The following VLDLR variants were observed in gnomAD, a reference collection of about 807,000 sequenced individuals.
VLDLR encodes very low density lipoprotein receptor, also known as very low-density lipoprotein receptor.
Under a neutral mutation model 112.7 loss-of-function variants are expected in VLDLR, and 81 were observed. That is an observed-to-expected ratio of 0.72 (90% CI 0.60 to 0.86). The LOEUF (loss-of-function observed/expected upper bound fraction) is 0.86. Among genes scored for constraint, VLDLR ranks in the 40% least tolerant of loss-of-function variants. The pLI is 0.00. For synonymous variants in VLDLR, 436 were observed against 384.8 expected (o/e 1.13, Z -1.56); for missense variants, 1,237 against 1,099.4 (o/e 1.13, Z -1.77).
chr9:2,652,061 C>T, intron 17 of VLDLR, 107 bp downstream of exon 17: 1 of 986,780 alleles, frequency 1.0e-6, no homozygotes, highest in Non-Finnish European at 1.6e-6. Flanking sequence ...TGCTGTCTAG[C>T]ATTTATGACA....
chr9:2,645,434 G>A, intron 9 of VLDLR, 140 bp from the exon 10 acceptor site: 2 of 1,081,128 alleles, frequency 1.8e-6, no homozygotes, highest in South Asian at 1.3e-5. Context: ...GGTCCCAGGG[G>A]CAGGAACTCC....
At chr9:2,630,609 G>T (rs549486429) in intron 1 of VLDLR, among the ~76,000 whole-genome samples, 32 of 152,284 alleles carry the variant, frequency 2.1e-4, no homozygotes, top group Admixed American at 9.8e-4. Flanking sequence ...TTTGTAGTCC[G>T]TTTGGAAGGC....
intron 16 of VLDLR, 151 bp downstream of exon 16, chr9:2,651,649 CT>C: frequency 1.1e-6 from 1 of 890,946 alleles, no homozygotes; most frequent in Non-Finnish European, 1.7e-6. Flanking sequence ...ACTTGCATAT[CT>C]TTTCCTGACT....
In VLDLR at chr9:2,643,231, A is replaced by G; in HGVS notation, c.520A>G (p.Asn174Asp). The part of the protein sequence containing the change: ...GRCISRNFVC[N>D]GQDDCSDGSD... ...CTGCATCTCCAGGAACTTTGTATGC[A>G]ATGGCCAGGATGACTGCAGCGATGG... is the stretch of plus-strand genomic sequence containing the variant. Residue 174 changes from asparagine to aspartate, a missense_variant, in exon 5 of 19, where the codon AAT becomes GAT. Asn to Asp is a conservative substitution (Grantham distance 23). Transcript: ENST00000382100. The G allele has an allele frequency of 6.2e-7, 1 of 1,614,120 alleles. No individual in the cohort carries two copies. Among genetic ancestry groups the G allele is most frequent in the Non-Finnish European group, 8.5e-7 (1 of 1,180,040 alleles).
intron 1 of VLDLR, among the ~76,000 whole-genome samples, chr9:2,626,723 G>A (rs537281393): frequency 9.2e-5 from 14 of 152,002 alleles, no homozygotes; most frequent in South Asian, 8.3e-4. Context: ...GTATGTAGAC[G>A]AGGTGGTGGG....
intron 1 of VLDLR, among the ~76,000 whole-genome samples, chr9:2,626,312 T>G (rs1817084281): frequency 6.6e-6 from 1 of 152,248 alleles, no homozygotes. Flanking sequence ...TTAATGATTT[T>G]ATACAAGAAA....
Position 2,642,354 on chromosome 9 carries a change from A to G in VLDLR, c.449-806A>G, listed in dbSNP as rs143473186. On this transcript the variant is annotated intron_variant, in intron 4 of 18. Coordinates refer to ENST00000382100, the MANE Select transcript of VLDLR (RefSeq NM_003383.5). ...TCTTGTGTGTAGAAGTCGCCTCCTGAGGTCAATACCACTGCACCTAGTCCA... is the reference window on the plus strand; with the variant it reads ...TCTTGTGTGTAGAAGTCGCCTCCTGGGGTCAATACCACTGCACCTAGTCCA... 6.6e-5 allele frequency among the ~76,000 whole-genome samples: 10 copies of G among 152,210 alleles called. No individual in the cohort carries two copies. The East Asian group carries it at 1.4e-3, about 21-fold the overall frequency.
chr9:2,626,913 C>T (rs1292677199), intron 1 of VLDLR, among the ~76,000 whole-genome samples: 1 of 152,192 alleles, frequency 6.6e-6, no homozygotes, highest in Non-Finnish European at 1.5e-5. Flanking sequence ...AAAGACTTCC[C>T]CACATCTGAG....
rs879246549 is a variant in VLDLR at position 2,643,445 on chromosome 9, A to C, written c.734A>C (p.Gln245Pro). ...ACCAAGTGTCCAGCCAGCGAAATCC[A>C]GTGCGGCTCTGGCGAGTGCATCCAT... The part of the protein sequence containing the change: ...IHTKCPASEI[Q>P]CGSGECIHKK... The change falls in exon 5 of 19, where the codon CAG becomes CCG. Residue 245 changes from glutamine to proline, a missense_variant. Transcript: ENST00000382100. 1.2e-6 allele frequency: 2 copies of C among 1,614,076 alleles called. No homozygotes were observed. The highest frequency in any genetic ancestry group is 3.3e-5 in the Admixed American group (2 of 60,010).
At chr9:2,635,305 G>T in intron 1 of VLDLR, 148 bp from the exon 2 acceptor site, 1 of 1,183,376 alleles carries the variant, frequency 8.5e-7, no homozygotes. Context: ...TCAGTCACTG[G>T]CTGAAGAGCC....
At position 2,659,650 on chromosome 9, in the gene VLDLR, T is replaced by TA. The variant is rs1278127862; in HGVS notation, c.*5783dup. ...AATCTTAAGTTTCAAGGCTCTCCTA[T>TA]AGGGAGAAACATGGCCAAAAAGACA... is the stretch of plus-strand genomic sequence containing the variant. On this transcript the variant is annotated 3_prime_UTR_variant, in exon 19 of 19. Transcript: ENST00000382100. The TA allele has an allele frequency of 6.6e-6, 1 of 152,196 alleles. No individual in the cohort carries two copies. The highest frequency in any genetic ancestry group is 1.5e-5 in the Non-Finnish European group (1 of 68,034). The allele number at this position is 152,196 out of a possible 1,614,324, so 9.4% of individuals were successfully genotyped here.
In VLDLR at chr9:2,659,901, T is replaced by C. The variant is rs1818739384; in HGVS notation, c.*6033T>C. 1 of 152,240 alleles carries C rather than the reference T, an allele frequency of 6.6e-6. No homozygotes were observed. Among genetic ancestry groups the C allele is most frequent in the Non-Finnish European group, 1.5e-5 (1 of 68,042 alleles). The allele number at this position is 152,240 out of a possible 1,614,324, so 9.4% of individuals were successfully genotyped here. On this transcript the variant is annotated 3_prime_UTR_variant, in exon 19 of 19. Transcript: ENST00000382100. Reference sequence around the variant, plus strand: ...TAGAATGCGATTTAAAAGCATGTAATGCCTCAGGAGTCCGGCATATACAAC... The same window carrying C: ...TAGAATGCGATTTAAAAGCATGTAACGCCTCAGGAGTCCGGCATATACAAC...
chr9:2,657,841 G>C lies in VLDLR; in HGVS notation c.*3973G>C, dbSNP rs1159356668. The C allele has an allele frequency of 1.3e-5, 2 of 152,150 alleles. No homozygotes were observed. The highest frequency in any genetic ancestry group is 4.8e-5 in the African/African-American group (2 of 41,432). 9.4% of individuals were successfully genotyped at this position (152,150 alleles called of 1,614,324 possible). A position where few individuals can be genotyped will look rare whatever the true frequency, so the allele number is the denominator to read the frequency against. ...TATTATATAGTCTCTAAGGCCAGAAGGGGCTTATAATGACTTCTCTTCTAG... is the reference window on the plus strand; with the variant it reads ...TATTATATAGTCTCTAAGGCCAGAACGGGCTTATAATGACTTCTCTTCTAG... On this transcript the variant is annotated 3_prime_UTR_variant, in exon 19 of 19. Coordinates refer to ENST00000382100, the MANE Select transcript of VLDLR (RefSeq NM_003383.5).
chr9:2,637,711 G>A (rs575045785), intron 2 of VLDLR, among the ~76,000 whole-genome samples: 1 of 152,286 alleles, frequency 6.6e-6, no homozygotes, highest in South Asian at 2.1e-4. Flanking sequence ...GGCGGCCTAG[G>A]CAGGCGAATC....
chr9:2,634,607 A>G (rs979426769), intron 1 of VLDLR, among the ~76,000 whole-genome samples: 1 of 152,192 alleles, frequency 6.6e-6, no homozygotes, highest in Non-Finnish European at 1.5e-5. Context: ...TTAAATATCC[A>G]TACATTAAGC....
Position 2,643,872 on chromosome 9 carries a change from A to G in VLDLR, c.979A>G (p.Arg327Gly), listed in dbSNP as rs1817938886. Reference protein sequence around the residue: ...QCLGPGKFKCRSGECIDISKV... With the variant: ...QCLGPGKFKCGSGECIDISKV... ...CTTGGGCCCTGGAAAATTCAAGTGC[A>G]GAAGTGGAGAATGCATAGATATCAG... Residue 327 changes from arginine (R) to glycine (G), a missense_variant, in exon 7 of 19, where the codon AGA (arginine) becomes GGA (glycine). Physicochemically the swap from Arg to Gly is moderately radical, Grantham distance 125. Transcript: ENST00000382100. 1.2e-6 allele frequency: 2 copies of G among 1,614,068 alleles called. No homozygotes were observed. The highest frequency in any genetic ancestry group is 1.7e-6 in the Non-Finnish European group (2 of 1,180,040).
Position 2,654,108 on chromosome 9 carries a change from A to AGAC in VLDLR, c.*241_*243dup. ...GAGTATCTGTAACCCTTGAATTTCTAGACAGTATTGCCACCTCTGGCCAAA... is the reference window on the plus strand; with the variant it reads ...GAGTATCTGTAACCCTTGAATTTCTAGACGACAGTATTGCCACCTCTGGCCAAA... On this transcript the variant is annotated 3_prime_UTR_variant, in exon 19 of 19. Transcript: ENST00000382100. The AGAC allele has an allele frequency of 1.9e-6, 1 of 520,486 alleles. No individual in the cohort carries two copies. 32.2% of individuals were successfully genotyped at this position (520,486 alleles called of 1,614,324 possible).
rs149246957 is a variant in VLDLR at position 2,643,183 on chromosome 9, G to A, written c.472G>A (p.Glu158Lys). Residue 158 changes from glutamate to lysine, a missense_variant, in exon 5 of 19, where the codon GAG becomes AAG. Glu to Lys is a moderately conservative substitution (Grantham distance 56, BLOSUM62 1). Transcript: ENST00000382100. Reference sequence around the variant, plus strand: ...AGGCAATATAACATGTAGTCCCGACGAGTTCACCTGCTCCAGTGGCCGCTG... The same window carrying A: ...AGGCAATATAACATGTAGTCCCGACAAGTTCACCTGCTCCAGTGGCCGCTG... ...NCGNITCSPD[E>K]FTCSSGRCIS... 10 of 1,612,948 alleles carry A rather than the reference G, an allele frequency of 6.2e-6. No homozygotes were observed. In the East Asian group the frequency reaches 1.3e-4, roughly 22 times the overall value.
At chr9:2,653,081 A>C in intron 18 of VLDLR, 132 bp downstream of exon 18, 1 of 1,182,832 alleles carries the variant, frequency 8.5e-7, no homozygotes, top group Non-Finnish European at 1.2e-6. Flanking sequence ...TGGCTATTAG[A>C]CAGACAGTAT....
Sources: gnomAD v4.1 joint callset for allele counts (sites outside exome capture counted in the v4.1 genomes callset) on GRCh38, gnomAD v4.1.1 for gene constraint, MANE v1.5 for transcripts, NCBI Gene and HGNC (gene_info 2026-07-23, HGNC 2026-07-21) for gene names.